Variants in MSRA observed in about 807,000 individuals in gnomAD.
MSRA encodes methionine sulfoxide reductase A.
Under a neutral mutation model 31.3 loss-of-function variants are expected in MSRA, and 54 were observed. The ratio of observed to expected loss-of-function variants is 1.73; its 90% CI spans 1.39 to 2.17. The LOEUF is 2.17. Among genes scored for constraint, MSRA ranks in the 30% most tolerant of loss-of-function variants. The pLI is 0.00. For synonymous variants in MSRA, 169 were observed against 116.5 expected (o/e 1.45, Z -2.90); for missense variants, 507 against 300.9 (o/e 1.69, Z -5.07).
At chr8:10,112,025 AGACTCAGTTTTTTTTTT>A (rs1800327047) in intron 1 of MSRA, among the ~76,000 whole-genome samples, 1 of 127,998 alleles carries the variant, frequency 7.8e-6, no homozygotes, top group Non-Finnish European at 1.7e-5. Context: ...TTTCTTTTTA[AGACTCAGTTTTTTTTTT>A]GACTTAGTTT....
At chr8:10,127,739 G>A (rs985211932) in intron 1 of MSRA, among the ~76,000 whole-genome samples, 18 of 152,200 alleles carry the variant, frequency 1.2e-4, no homozygotes, top group Non-Finnish European at 2.4e-4. Flanking sequence ...AAATGGTTGT[G>A]GTTAAGTAGA....
chr8:10,129,728 G>T (rs1368803587), intron 1 of MSRA, among the ~76,000 whole-genome samples: 1 of 152,092 alleles, frequency 6.6e-6, no homozygotes, highest in Non-Finnish European at 1.5e-5. Context: ...AAAAAGCAAA[G>T]ATACCAGTTA....
At chr8:10,375,500 G>A (rs1159632248) in intron 5 of MSRA, among the ~76,000 whole-genome samples, 3 of 152,174 alleles carry the variant, frequency 2.0e-5, no homozygotes, top group Admixed American at 6.5e-5. Context: ...TGGGTGCCTC[G>A]AGAAGAACAG....
chr8:10,278,369 T>C (rs1204692714), intron 3 of MSRA, among the ~76,000 whole-genome samples: 1 of 152,254 alleles, frequency 6.6e-6, no homozygotes, highest in African/African-American at 2.4e-5. Flanking sequence ...CCAGCAAATG[T>C]ACCGTGGCTC....
At chr8:10,186,253 G>A (rs1243285838) in intron 1 of MSRA, among the ~76,000 whole-genome samples, 1 of 152,152 alleles carries the variant, frequency 6.6e-6, no homozygotes, top group African/African-American at 2.4e-5. Flanking sequence ...GACAGGGGCT[G>A]GCAAACATTT....
intron 5 of MSRA, among the ~76,000 whole-genome samples, chr8:10,423,215 C>T (rs548779464): frequency 3.0e-4 from 46 of 152,334 alleles, no homozygotes; most frequent in African/African-American, 1.1e-3. Context: ...TCCAGCTCTC[C>T]TGACAGTTCT....
At chr8:10,174,840 C>T (rs576416019) in intron 1 of MSRA, among the ~76,000 whole-genome samples, 2 of 152,204 alleles carry the variant, frequency 1.3e-5, no homozygotes, top group Non-Finnish European at 2.9e-5. Flanking sequence ...ACAAACTCTT[C>T]ACTTTCATCT....
chr8:10,213,475 C>T (rs1408494323), intron 2 of MSRA, among the ~76,000 whole-genome samples: 4 of 132,556 alleles, frequency 3.0e-5, no homozygotes, highest in African/African-American at 5.7e-5. Flanking sequence ...GTCTTGCCCT[C>T]ACCCAGGCTG....
chr8:10,236,407 G>T (rs1304741531), intron 2 of MSRA, among the ~76,000 whole-genome samples: 1 of 152,160 alleles, frequency 6.6e-6, no homozygotes, highest in Non-Finnish European at 1.5e-5. Context: ...ACTCTTTCTG[G>T]CTGTATGGAA....
intron 1 of MSRA, among the ~76,000 whole-genome samples, chr8:10,160,410 G>A (rs1461334687): frequency 2.0e-5 from 3 of 151,810 alleles, no homozygotes; most frequent in Non-Finnish European, 4.4e-5. Context: ...CCGGAGAATC[G>A]TTTGAACCCA....
At chr8:10,355,183 C>G (rs1232615546) in intron 5 of MSRA, among the ~76,000 whole-genome samples, 1 of 152,190 alleles carries the variant, frequency 6.6e-6, no homozygotes, top group Non-Finnish European at 1.5e-5. Flanking sequence ...TTTCCAGTGC[C>G]GCCTCTTCCT....
intron 2 of MSRA, among the ~76,000 whole-genome samples, chr8:10,216,916 T>C (rs1253810872): frequency 6.6e-6 from 1 of 152,240 alleles, no homozygotes; most frequent in Non-Finnish European, 1.5e-5. Context: ...TTTGGGTGTA[T>C]ACCCAGAGAT....
intron 1 of MSRA, among the ~76,000 whole-genome samples, chr8:10,080,646 C>T (rs1243250400): frequency 1.3e-5 from 2 of 151,936 alleles, no homozygotes; most frequent in African/African-American, 4.8e-5. Context: ...CCAACTCAGC[C>T]TCCTTAGTGG....
At chr8:10,139,042 G>T (rs1341122800) in intron 1 of MSRA, among the ~76,000 whole-genome samples, 1 of 152,112 alleles carries the variant, frequency 6.6e-6, no homozygotes, top group Non-Finnish European at 1.5e-5. Flanking sequence ...TGAGATCTAA[G>T]ATTCTGTTAT....
intron 1 of MSRA, among the ~76,000 whole-genome samples, chr8:10,144,940 A>G (rs1019770317): frequency 1.1e-4 from 16 of 151,192 alleles, no homozygotes; most frequent in African/African-American, 1.5e-4. Flanking sequence ...GCCTTCAAAC[A>G]TAAAGCTGCT....
At chr8:10,054,686 G>A (rs1440132478) in intron 1 of MSRA, 28 bp downstream of exon 1, 10 of 1,487,890 alleles carry the variant, frequency 6.7e-6, no homozygotes, top group African/African-American at 5.8e-5. Flanking sequence ...GGAAGGCGCG[G>A]GCGGCGACGC....
intron 5 of MSRA, among the ~76,000 whole-genome samples, chr8:10,413,187 G>A (rs1808257379): frequency 1.3e-5 from 2 of 152,226 alleles, no homozygotes; most frequent in Non-Finnish European, 2.9e-5. Context: ...AAGAAGAGAA[G>A]GCCGAGTGGA....
At chr8:10,354,644 C>A (rs186370056) in intron 5 of MSRA, among the ~76,000 whole-genome samples, 1 of 151,316 alleles carries the variant, frequency 6.6e-6, no homozygotes, top group South Asian at 2.1e-4. Flanking sequence ...ACAAATGCAT[C>A]GGTGAAGGTA....
chr8:10,326,884 C>T (rs1220581968), intron 5 of MSRA, among the ~76,000 whole-genome samples: 1 of 152,166 alleles, frequency 6.6e-6, no homozygotes, highest in Non-Finnish European at 1.5e-5. Flanking sequence ...GAGGGTGGTT[C>T]ACGTGTAATT....
Sources: gnomAD v4.1 joint callset for allele counts (sites outside exome capture counted in the v4.1 genomes callset) on GRCh38, gnomAD v4.1.1 for gene constraint, MANE v1.5 for transcripts, NCBI Gene and HGNC (gene_info 2026-07-23, HGNC 2026-07-21) for gene names.